Variants in GSK3B observed in about 807,000 individuals in gnomAD.
GSK3B encodes glycogen synthase kinase 3 beta.
In GSK3B, 15 loss-of-function variants were observed where a neutral mutation model predicts 56.4. The ratio of observed to expected loss-of-function variants is 0.27; its 90% CI spans 0.18 to 0.41. The LOEUF is 0.41. Among genes scored for constraint, GSK3B ranks in the 10% least tolerant of loss-of-function variants. GSK3B has a pLI of 1.00. For missense variants in GSK3B, 300 were observed against 513.4 expected (o/e 0.58, Z 4.02); for synonymous variants, 181 against 188.9 (o/e 0.96, Z 0.34).
At chr3:119,869,479 C>G (rs748147164) in intron 8 of GSK3B, among the ~76,000 whole-genome samples, 13 of 152,096 alleles carry the variant, frequency 8.5e-5, no homozygotes, top group Non-Finnish European at 1.6e-4. Context: ...ATTTTCTAAG[C>G]CTTTTCGTTA....
chr3:120,044,960 TA>T (rs1232282827), intron 1 of GSK3B, among the ~76,000 whole-genome samples: 4 of 152,236 alleles, frequency 2.6e-5, no homozygotes, highest in Non-Finnish European at 4.4e-5. Context: ...TCAAGATGGC[TA>T]AAAAGGTGGT....
rs528551681 is a variant in GSK3B at position 119,947,946 on chromosome 3, T to C, written c.283-595A>G. ...AGATTTGTAGACCACACAAAACTAT[T>C]TTCCCTTTGGGAAGTTTCAAAGTTA... On this transcript the variant is annotated intron_variant, in intron 2 of 10. Transcript: ENST00000264235. 7.8e-4 allele frequency among the ~76,000 whole-genome samples: 119 copies of C among 152,066 alleles called. 1 individual carries two copies. Among genetic ancestry groups the C allele is most frequent in the Non-Finnish European group, 1.4e-3 (94 of 67,980 alleles).
chr3:119,950,559 GA>G (rs932038038), intron 2 of GSK3B, among the ~76,000 whole-genome samples: 4 of 152,116 alleles, frequency 2.6e-5, no homozygotes, highest in African/African-American at 9.7e-5. Context: ...GAACAATGGT[GA>G]AAAAAACTGA....
At chr3:119,899,466 T>C (rs1323899129) in intron 7 of GSK3B, among the ~76,000 whole-genome samples, 1 of 152,104 alleles carries the variant, frequency 6.6e-6, no homozygotes, top group Middle Eastern at 3.2e-3. Flanking sequence ...ACCCAGTGCC[T>C]GGCACAAAGT....
chr3:120,046,176 C>T (rs1245204414), intron 1 of GSK3B, among the ~76,000 whole-genome samples: 1 of 152,132 alleles, frequency 6.6e-6, no homozygotes, highest in Non-Finnish European at 1.5e-5. Flanking sequence ...CTGCATGACA[C>T]TGTAATCGTG....
At chr3:119,895,090 T>C (rs2056547465) in intron 7 of GSK3B, among the ~76,000 whole-genome samples, 1 of 152,076 alleles carries the variant, frequency 6.6e-6, no homozygotes, top group Non-Finnish European at 1.5e-5. Flanking sequence ...TTTCCCATCC[T>C]CTCCACCTTC....
intron 10 of GSK3B, among the ~76,000 whole-genome samples, chr3:119,829,264 A>C (rs934963042): frequency 6.6e-6 from 1 of 152,254 alleles, no homozygotes; most frequent in African/African-American, 2.4e-5. Context: ...GCATTAAAAA[A>C]AAAATCCAGA....
chr3:120,010,654 T>C lies in GSK3B; in HGVS notation c.89-8415A>G, dbSNP rs549070206. On this transcript the variant is annotated intron_variant, in intron 1 of 10. Coordinates refer to ENST00000264235, the MANE Select transcript of GSK3B (RefSeq NM_001146156.2). ...ACAAAGGATCATTAATAAACTAATA[T>C]AGATTTTAAGAACAGTAGCTGAGTG... Among the ~76,000 whole-genome samples the C allele has an allele frequency of 3.3e-5, 5 of 152,214 alleles. 1 individual carries two copies. Among genetic ancestry groups the C allele is most frequent in the African/African-American group, 1.2e-4 (5 of 41,530 alleles).
chr3:119,845,577 A>C (rs921517951), intron 9 of GSK3B, among the ~76,000 whole-genome samples: 39 of 152,230 alleles, frequency 2.6e-4, no homozygotes, highest in African/African-American at 8.9e-4. Context: ...CAAAAAGAAT[A>C]AAATACCTGG....
At chr3:120,051,456 C>T (rs936590699) in intron 1 of GSK3B, among the ~76,000 whole-genome samples, 3 of 152,032 alleles carry the variant, frequency 2.0e-5, no homozygotes, top group Admixed American at 2.0e-4. Flanking sequence ...TTTAAAAGTA[C>T]ACAATTAATT....
At chr3:119,955,301 A>G (rs140824803) in intron 2 of GSK3B, among the ~76,000 whole-genome samples, 2 of 151,898 alleles carry the variant, frequency 1.3e-5, no homozygotes, top group African/African-American at 4.8e-5. Context: ...TTGATACATG[A>G]TATTTTACTA....
At chr3:120,034,001 A>C (rs1162537337) in intron 1 of GSK3B, among the ~76,000 whole-genome samples, 1 of 152,160 alleles carries the variant, frequency 6.6e-6, no homozygotes, top group Non-Finnish European at 1.5e-5. Context: ...GCACTTATCA[A>C]CCATTATGTA....
intron 1 of GSK3B, 47 bp downstream of exon 1, chr3:120,093,298 ATT>A: frequency 8.1e-7 from 1 of 1,240,766 alleles, no homozygotes; most frequent in East Asian, 2.3e-5. Context: ...GAGGTTTCTT[ATT>A]TTAAGGGCGA....
intron 2 of GSK3B, among the ~76,000 whole-genome samples, chr3:119,996,781 T>C (rs1366889231): frequency 6.6e-6 from 1 of 152,046 alleles, no homozygotes; most frequent in Non-Finnish European, 1.5e-5. Context: ...ATACAATGAT[T>C]AGAAGAAAGG....
chr3:119,870,802 T>C (rs917670273), intron 8 of GSK3B, among the ~76,000 whole-genome samples: 4 of 152,100 alleles, frequency 2.6e-5, no homozygotes, highest in South Asian at 2.1e-4. Context: ...AATAATAATA[T>C]AAAAATTGAT....
chr3:119,845,133 A>G (rs2055837772), intron 9 of GSK3B, among the ~76,000 whole-genome samples: 1 of 152,232 alleles, frequency 6.6e-6, no homozygotes, highest in African/African-American at 2.4e-5. Flanking sequence ...AAAAACACTC[A>G]ATAAACTAGG....
At chr3:119,886,566 A>G (rs1343615153) in intron 7 of GSK3B, among the ~76,000 whole-genome samples, 1 of 152,046 alleles carries the variant, frequency 6.6e-6, no homozygotes, top group African/African-American at 2.4e-5. Context: ...AAAAGATACA[A>G]CCATTTGCAT....
At chr3:120,011,913 G>A (rs767062636) in intron 1 of GSK3B, among the ~76,000 whole-genome samples, 2 of 152,074 alleles carry the variant, frequency 1.3e-5, no homozygotes, top group East Asian at 1.9e-4. Flanking sequence ...CGCATGCCTC[G>A]TGCTGCCTCT....
chr3:119,910,050 C>T (rs930949040), intron 6 of GSK3B, among the ~76,000 whole-genome samples: 3 of 152,110 alleles, frequency 2.0e-5, no homozygotes, highest in African/African-American at 7.2e-5. Flanking sequence ...CTATCACTTT[C>T]ATTATTAACT....
Sources: gnomAD v4.1 joint callset for allele counts (sites outside exome capture counted in the v4.1 genomes callset) on GRCh38, gnomAD v4.1.1 for gene constraint, MANE v1.5 for transcripts, NCBI Gene and HGNC (gene_info 2026-07-23, HGNC 2026-07-21) for gene names.